The following KDM4C variants were observed in gnomAD, a reference collection of about 807,000 sequenced individuals.
The protein encoded by KDM4C is lysine demethylase 4C.
Under a neutral mutation model 129.3 loss-of-function variants are expected in KDM4C, and 81 were observed. The observed-to-expected ratio is 0.63, with a 90% CI of 0.52 to 0.75. The LOEUF (loss-of-function observed/expected upper bound fraction) is 0.75. KDM4C is among the 30% of genes least tolerant of loss of function. KDM4C has a pLI of 0.00. For missense variants in KDM4C, 1,457 were observed against 1,304.0 expected, an observed-to-expected ratio of 1.12 and a Z score of -1.81; for synonymous variants, 573 against 456.1, an observed-to-expected ratio of 1.26 and a Z score of -3.26.
chr9:7,044,099 A>C lies in KDM4C; in HGVS notation c.2260-2763A>C, dbSNP rs76703593. On this transcript the variant is annotated intron_variant, in intron 15 of 21. Coordinates refer to ENST00000381309, the MANE Select transcript of KDM4C (RefSeq NM_015061.6). The stretch of plus-strand genomic sequence containing the variant: ...CAGATAGCATGCAACAAATAGTTGC[A>C]AGAGTAATAAAGCTAATAAAAGGGG... 8.6e-3 allele frequency among the ~76,000 whole-genome samples: 1,308 copies of C among 152,186 alleles called. 9 individuals are homozygous for C. Among genetic ancestry groups the C allele is most frequent in the South Asian group, 0.013 (65 of 4,822 alleles).
rs533720692 is a variant in KDM4C, at chr9:7,031,109, A to C, written c.2259+15180A>C. 4.6e-5 allele frequency among the ~76,000 whole-genome samples: 7 copies of C among 151,516 alleles called. No individual in the cohort carries two copies. In the East Asian group the frequency reaches 1.2e-3, roughly 25 times the overall value. ...TTCCAACTTAGCCATACATGTATTC[A>C]TTGTGTCCTTTATTTTACTTGTTTA... On this transcript the variant is annotated intron_variant, in intron 15 of 21. Transcript: ENST00000381309.
intron 2 of KDM4C, among the ~76,000 whole-genome samples, chr9:6,795,075 G>A (rs139548705): frequency 6.6e-6 from 1 of 152,240 alleles, no homozygotes; most frequent in African/African-American, 2.4e-5. Context: ...ATAAATCCCT[G>A]AGTCCTGACA....
chr9:6,744,263 T>G (rs532679547), intron 1 of KDM4C, among the ~76,000 whole-genome samples: 1 of 152,114 alleles, frequency 6.6e-6, no homozygotes, highest in Non-Finnish European at 1.5e-5. Flanking sequence ...CAGTGGCTCA[T>G]GCCTGTAATC....
chr9:6,986,740 A>C, intron 11 of KDM4C, 74 bp downstream of exon 11: 2 of 1,042,774 alleles, frequency 1.9e-6, no homozygotes, highest in Non-Finnish European at 2.8e-6. Context: ...CATGCTGTGC[A>C]CTGAAATCCT....
intron 8 of KDM4C, among the ~76,000 whole-genome samples, chr9:6,922,230 A>G (rs1292878359): frequency 6.6e-6 from 1 of 152,212 alleles, no homozygotes; most frequent in Non-Finnish European, 1.5e-5. Context: ...TCTAATTCCT[A>G]TCTTAATTTT....
intron 1 of KDM4C, among the ~76,000 whole-genome samples, chr9:6,773,507 C>T (rs1483516793): frequency 2.0e-5 from 3 of 152,146 alleles, no homozygotes; most frequent in East Asian, 1.9e-4. Flanking sequence ...CGTGGTGGCT[C>T]ATGCCTGTAA....
Position 6,737,539 on chromosome 9 carries a change from C to A in KDM4C, c.49+16542C>A, listed in dbSNP as rs148566933. Among the ~76,000 whole-genome samples, 1,441 of 151,504 alleles carry A rather than the reference C, an allele frequency of 9.5e-3. 22 individuals are homozygous for A. The highest frequency in any genetic ancestry group is 0.033 in the African/African-American group (1,372 of 41,242). ...ATTAGCTGGGCATGGTGGCAGGCAC[C>A]TGTAATCCCAGTTACTTGGGAGCCT... On this transcript the variant is annotated intron_variant, in intron 1 of 17. Coordinates refer to the KDM4C transcript ENST00000536108.
intron 1 of KDM4C, among the ~76,000 whole-genome samples, chr9:6,725,927 CTTTA>C (rs1190614933): frequency 6.1e-5 from 7 of 114,976 alleles, no homozygotes; most frequent in Non-Finnish European, 1.1e-4. Flanking sequence ...TCTTTTCTTT[CTTTA>C]TTTTTTTTTT....
At chr9:6,926,341 T>TAAAAAAAAAAAAAAAAAAAAAAAAA (rs33974740) in intron 8 of KDM4C, among the ~76,000 whole-genome samples, 97 of 107,216 alleles carry the variant, frequency 9.0e-4, no homozygotes, top group Middle Eastern at 4.9e-3. Context: ...AGATAATTTG[T>TAAAAAAAAAAAAAAAAAAAAAAAAA]AAAAAAAAAA....
chr9:7,104,487 ATTTT>A (rs1438372265), intron 18 of KDM4C: 1 of 152,114 alleles, frequency 6.6e-6, no homozygotes, highest in Non-Finnish European at 1.5e-5. Flanking sequence ...ATAGAGAACA[ATTTT>A]TTTGAGCTTA....
At chr9:6,848,610 G>C (rs1410811545) in intron 4 of KDM4C, among the ~76,000 whole-genome samples, 8 of 152,022 alleles carry the variant, frequency 5.3e-5, no homozygotes, top group Non-Finnish European at 7.4e-5. Context: ...TAGAGGTTGC[G>C]GTGAGCTGAG....
rs112105431 is a variant in KDM4C, at chr9:7,067,009, C to G, written c.2424+17809C>G. Among the ~76,000 whole-genome samples the G allele has an allele frequency of 5.1e-3, 775 of 152,250 alleles. 9 individuals carry two copies. Among genetic ancestry groups the G allele is most frequent in the African/African-American group, 0.017 (716 of 41,554 alleles). The stretch of plus-strand genomic sequence containing the variant: ...GTGGCCCAGATATTTTTGGAAACAA[C>G]AAGGAAATTTATATATTTCTCTAAG... On this transcript the variant is annotated intron_variant, in intron 17 of 21. Coordinates refer to ENST00000381309, the MANE Select transcript of KDM4C (RefSeq NM_015061.6).
At chr9:6,731,901 A>G (rs774842198) in intron 1 of KDM4C, among the ~76,000 whole-genome samples, 14 of 152,114 alleles carry the variant, frequency 9.2e-5, no homozygotes, top group Non-Finnish European at 7.4e-5. Context: ...TTGAACAGAG[A>G]CCATTTGACA....
intron 6 of KDM4C, among the ~76,000 whole-genome samples, chr9:6,884,694 C>T (rs1185465372): frequency 6.6e-6 from 1 of 152,136 alleles, no homozygotes; most frequent in Non-Finnish European, 1.5e-5. Context: ...AAGTTAATGG[C>T]TATCATTATC....
intron 1 of KDM4C, among the ~76,000 whole-genome samples, chr9:6,771,939 C>T (rs1190724850): frequency 2.0e-5 from 3 of 152,174 alleles, no homozygotes; most frequent in Non-Finnish European, 2.9e-5. Context: ...GTTGGGAAGC[C>T]TCTCCCCATT....
chr9:6,759,008 C>G (rs572881756), intron 1 of KDM4C, among the ~76,000 whole-genome samples: 1 of 149,212 alleles, frequency 6.7e-6, no homozygotes, highest in South Asian at 2.2e-4. Context: ...CTTTGCTGCG[C>G]GGTGCAAGCC....
At chr9:6,846,344 G>T (rs946457005) in intron 4 of KDM4C, among the ~76,000 whole-genome samples, 1 of 152,150 alleles carries the variant, frequency 6.6e-6, no homozygotes, top group Non-Finnish European at 1.5e-5. Flanking sequence ...TAGAATAAAT[G>T]TAAGATACAA....
chr9:7,127,861 G>A, intron 18 of KDM4C: 1 of 458,922 alleles, frequency 2.2e-6, no homozygotes, highest in African/African-American at 2.0e-5. Flanking sequence ...AAGAGTGTTA[G>A]TATAAACAAG....
intron 12 of KDM4C, among the ~76,000 whole-genome samples, chr9:7,007,837 T>C (rs1338063465): frequency 6.6e-6 from 1 of 152,136 alleles, no homozygotes; most frequent in Non-Finnish European, 1.5e-5. Context: ...AAAAACAACA[T>C]TTACATAAAG....
Sources: allele counts gnomAD v4.1 joint callset (sites outside exome capture counted in the v4.1 genomes callset), GRCh38; gene constraint gnomAD v4.1.1; transcripts MANE v1.5; gene names NCBI Gene and HGNC (gene_info 2026-07-23, HGNC 2026-07-21).